Variants in MYCBP2 observed in about 807,000 individuals in gnomAD.
The protein encoded by MYCBP2 is E3 ubiquitin-protein ligase MYCBP2.
In MYCBP2, 120 loss-of-function variants were observed where a neutral mutation model predicts 525.3. That is an observed-to-expected ratio of 0.23 (90% CI 0.20 to 0.27). MYCBP2 has a LOEUF of 0.27. Ranked by LOEUF, MYCBP2 falls within the 10% of genes least tolerant of loss-of-function variation. The probability of loss-of-function intolerance (pLI) is 1.00; values close to 1 mark genes in which losing one functional copy is unlikely to be tolerated. For synonymous variants in MYCBP2, 1,894 were observed against 1,955.8 expected (o/e 0.97, Z 0.83); for missense variants, 4,149 against 5,657.1 (o/e 0.73, Z 8.55).
intron 28 of MYCBP2, 86 bp downstream of exon 28, chr13:77,191,593 C>T (rs1445481230): frequency 3.4e-6 from 5 of 1,464,646 alleles, no homozygotes; most frequent in African/African-American, 1.4e-5. Flanking sequence ...GCTTTTGAAT[C>T]CTGCTGAAAG....
rs754688319 is a variant in MYCBP2, at chr13:77,233,275, C to T, written c.2630-12G>A. 6.3e-7 allele frequency: 1 copy of T among 1,594,220 alleles called. No individual in the cohort carries two copies. Among genetic ancestry groups the T allele is most frequent in the East Asian group, 2.2e-5 (1 of 44,726 alleles). On this transcript the variant is annotated splice_polypyrimidine_tract_variant and intron_variant, in intron 17 of 82. Transcript: ENST00000544440. The stretch of plus-strand genomic sequence containing the variant: ...AAATACAAGGGGGCCTGAGGAGAAA[C>T]ATTTTGTATGTGCATAGAAAAACTC...
In MYCBP2 at chr13:77,108,708, T is replaced by A. The variant is rs538229358; in HGVS notation, c.8141-9695A>T. 1.0e-3 allele frequency among the ~76,000 whole-genome samples: 155 copies of A among 150,990 alleles called. No individual in the cohort carries two copies. In the South Asian group the frequency reaches 0.02, roughly 20 times the overall value. The stretch of plus-strand genomic sequence containing the variant: ...TGCTTTTAGGATAAGATACTTTATT[T>A]TTTTTTTTTTTTTGAGATGGAGTCT... On this transcript the variant is annotated intron_variant, in intron 55 of 82. Coordinates refer to ENST00000544440, the MANE Select transcript of MYCBP2 (RefSeq NM_015057.5).
Position 77,326,706 on chromosome 13 carries a change from G to T in MYCBP2, c.70C>A (p.Pro24Thr), listed in dbSNP as rs748622594. The T allele has an allele frequency of 7.0e-7, 1 of 1,428,142 alleles. No homozygotes were observed. Among genetic ancestry groups the T allele is most frequent in the South Asian group, 1.4e-5 (1 of 69,200 alleles). 88.5% of individuals were successfully genotyped at this position (1,428,142 alleles called of 1,614,324 possible). A position where few individuals can be genotyped will look rare whatever the true frequency, so the allele number is the denominator to read the frequency against. ...GGGGAGGAAGAGAAGGTGGCGGCTG[G>T]GTAGAATCCGTCCCCGCCGAGCCCC... ...SSGLGGDGFY[P>T]AATFSSSPAP... Residue 24 changes from proline to threonine, a missense_variant, in exon 1 of 83, where the codon CCA (proline) becomes ACA (threonine). By Grantham distance (38) the Pro-to-Thr change is conservative. Transcript: ENST00000544440. This position sits in a 1 kb window ranked among gnomAD's most constrained non-coding sequence, Gnocchi z 4.2.
chr13:77,243,972 A>AC, intron 15 of MYCBP2, 21 bp from the exon 16 acceptor site: 1 of 1,506,816 alleles, frequency 6.6e-7, no homozygotes, highest in Non-Finnish European at 8.9e-7. Context: ...ATACAAAAAA[A>AC]AAAAAAAAAG....
At chr13:77,189,691 G>A (rs1339434916) in intron 29 of MYCBP2, among the ~76,000 whole-genome samples, 1 of 152,020 alleles carries the variant, frequency 6.6e-6, no homozygotes, top group African/African-American at 2.4e-5. Flanking sequence ...GGTAAACACA[G>A]GCATATGCCT....
chr13:77,217,956 C>A lies in MYCBP2; in HGVS notation c.2941G>T (p.Gly981Ter). ...AATGCTTGAACAAGAGTGGGACATC[C>A]CCTAGGTTAAAAAAAAAAAAAGTAA... ...QLGHGDVNSR[G>*]CPTLVQALPG... Residue 981 changes from glycine to a stop codon, truncating the protein, a stop_gained and splice_region_variant, in exon 21 of 83, where the codon GGA becomes TGA. Coordinates refer to ENST00000544440, the MANE Select transcript of MYCBP2 (RefSeq NM_015057.5). LOFTEE classifies it high-confidence loss of function. 1.3e-6 allele frequency: 2 copies of A among 1,566,320 alleles called. No individual in the cohort carries two copies. Among genetic ancestry groups the A allele is most frequent in the Non-Finnish European group, 8.6e-7 (1 of 1,162,168 alleles).
intron 55 of MYCBP2, chr13:77,100,168 T>C (rs1411957268): frequency 6.6e-6 from 1 of 152,134 alleles, no homozygotes; most frequent in Non-Finnish European, 1.5e-5. Flanking sequence ...GTTAACTGGC[T>C]ATAACTGCAT....
chr13:77,191,887 C>A (rs192947227), intron 27 of MYCBP2, 74 bp from the exon 28 acceptor site: 46 of 1,425,248 alleles, frequency 3.2e-5, no homozygotes, highest in South Asian at 1.2e-4. Flanking sequence ...TTTCAAAATC[C>A]CTTGTGAACA....
intron 18 of MYCBP2, among the ~76,000 whole-genome samples, chr13:77,231,949 C>T (rs185585873): frequency 2.6e-5 from 4 of 152,288 alleles, no homozygotes; most frequent in Admixed American, 2.6e-4. Flanking sequence ...ATATTTATGG[C>T]ATTGTTAGAG....
chr13:77,183,078 TTAAC>T (rs1297019883), intron 32 of MYCBP2, among the ~76,000 whole-genome samples: 3 of 152,214 alleles, frequency 2.0e-5, no homozygotes, highest in South Asian at 2.1e-4. Context: ...TTTCAATTAT[TTAAC>T]TAAGTATTTC....
intron 4 of MYCBP2, among the ~76,000 whole-genome samples, chr13:77,277,043 G>A (rs115299440): frequency 0.017 from 2,636 of 151,952 alleles, 73 homozygotes; most frequent in African/African-American, 0.06. Context: ...AGTTTTAAAA[G>A]AATAAAGGAA....
chr13:77,137,790 A>T (rs1178635275), intron 52 of MYCBP2, among the ~76,000 whole-genome samples: 1 of 151,942 alleles, frequency 6.6e-6, no homozygotes, highest in Non-Finnish European at 1.5e-5. Context: ...GGGTTTCACC[A>T]TGTTGGCCAG....
At chr13:77,262,740 T>C (rs1048263672) in intron 10 of MYCBP2, among the ~76,000 whole-genome samples, 4 of 152,024 alleles carry the variant, frequency 2.6e-5, no homozygotes, top group South Asian at 2.1e-4. Context: ...TATTTTCAAA[T>C]TGTAAAACTA....
At chr13:77,100,926 C>G (rs1404001026) in intron 55 of MYCBP2, among the ~76,000 whole-genome samples, 1 of 151,930 alleles carries the variant, frequency 6.6e-6, no homozygotes, top group Non-Finnish European at 1.5e-5. Flanking sequence ...GAATAAGTAC[C>G]CTTAAACTGT....
At chr13:77,233,627 G>A (rs2067451236) in intron 17 of MYCBP2, among the ~76,000 whole-genome samples, 1 of 151,912 alleles carries the variant, frequency 6.6e-6, no homozygotes, top group Non-Finnish European at 1.5e-5. Context: ...AGTAAACCAT[G>A]TATTCGTTGA....
chr13:77,051,302 T>C, intron 81 of MYCBP2, 140 bp from the exon 82 acceptor site: 1 of 681,594 alleles, frequency 1.5e-6, no homozygotes, highest in Non-Finnish European at 2.3e-6. Context: ...GAAAAACTGA[T>C]GATACACATG....
Position 77,150,814 on chromosome 13 carries a change from G to T in MYCBP2, c.7051C>A (p.Leu2351Met). Residue 2351 changes from leucine to methionine, a missense_variant, in exon 47 of 83, where the codon CTG becomes ATG. Leu to Met is a conservative substitution (Grantham distance 15). Around this residue, in one of 21 missense-constraint regions of MYCBP2, gnomAD observed 692 missense variants for 852.7 expected, o/e 0.81. Transcript: ENST00000544440. ...GAAACATCTAGCTTTGGTGATGCCAGCCCTCCATAAGTCATGTCAGTATTA... is the reference window on the plus strand; with the variant it reads ...GAAACATCTAGCTTTGGTGATGCCATCCCTCCATAAGTCATGTCAGTATTA... ...SSNTDMTYGG[L>M]ASPKLDVSYE... 6.2e-7 allele frequency: 1 copy of T among 1,614,130 alleles called. No individual in the cohort carries two copies. Among genetic ancestry groups the T allele is most frequent in the Non-Finnish European group, 8.5e-7 (1 of 1,180,012 alleles).
intron 58 of MYCBP2, among the ~76,000 whole-genome samples, chr13:77,095,065 CA>C (rs879469294): frequency 6.6e-5 from 10 of 152,138 alleles, no homozygotes; most frequent in Admixed American, 1.3e-4. Context: ...TTCGCACTAA[CA>C]GAGTGAAGTC....
chr13:77,251,767 A>G (rs2071252127), intron 14 of MYCBP2, among the ~76,000 whole-genome samples: 1 of 152,200 alleles, frequency 6.6e-6, no homozygotes, highest in Admixed American at 6.5e-5. Flanking sequence ...TGACAACTTC[A>G]TAATTTACAA....
Sources: gnomAD v4.1 joint callset for allele counts (sites outside exome capture counted in the v4.1 genomes callset) on GRCh38, gnomAD v4.1.1 for gene constraint, gnomAD v4.1.1 regional missense constraint, Gnocchi (gnomAD v3.1) non-coding constraint, MANE v1.5 for transcripts, NCBI Gene and HGNC (gene_info 2026-07-23, HGNC 2026-07-21) for gene names.